HRK: variants seen among roughly 807,000 people sequenced by gnomAD.
The protein encoded by HRK is harakiri, BCL2 interacting protein.
HRK carries 6 observed loss-of-function variants against 5.9 expected under a neutral mutation model. That is an observed-to-expected ratio of 1.02 (90% CI 0.56 to 2.01). The LOEUF is 2.01. Among genes scored for constraint, HRK ranks in the 30% most tolerant of loss-of-function variants. The pLI, the probability that HRK is intolerant of heterozygous loss-of-function variation, is 0.00. For synonymous variants in HRK, 85 were observed against 65.1 expected (o/e 1.31, Z -1.47); for missense variants, 133 against 128.3 (o/e 1.04, Z -0.18).
Position 116,856,290 on chromosome 12 carries a change from CCT to C in HRK, c.*5231_*5232del, listed in dbSNP as rs1212700400. On this transcript the variant is annotated 3_prime_UTR_variant, in exon 2 of 2. Transcript: ENST00000257572. The surrounding 1 kb of genome is among the most constrained non-coding windows in gnomAD (Gnocchi z 4.4). ...GAACGGAACGTCCCCAAGCTTATTG[CCT>C]CTCTGGCTAGGCCAGAGGCCTCACT... 1.3e-5 allele frequency: 2 copies of C among 152,220 alleles called. No individual in the cohort carries two copies. The highest frequency in any genetic ancestry group is 2.9e-5 in the Non-Finnish European group (2 of 68,046). The allele number at this position is 152,220 out of a possible 1,614,324, so 9.4% of individuals were successfully genotyped here.
intron 1 of HRK, among the ~76,000 whole-genome samples, chr12:116,864,507 A>G (rs1878470052): frequency 6.6e-6 from 1 of 152,224 alleles, no homozygotes; most frequent in East Asian, 1.9e-4. Flanking sequence ...GCGCGGACCC[A>G]GGATTTGATC....
intron 1 of HRK, among the ~76,000 whole-genome samples, chr12:116,867,067 A>T (rs1034982566): frequency 6.6e-6 from 1 of 151,932 alleles, no homozygotes; most frequent in Non-Finnish European, 1.5e-5. Flanking sequence ...AAATGGGAGG[A>T]TCACTTGAGC....
chr12:116,872,055 G>A (rs1272648490), intron 1 of HRK, among the ~76,000 whole-genome samples: 1 of 152,076 alleles, frequency 6.6e-6, no homozygotes, highest in African/African-American at 2.4e-5. Context: ...GAATGTAAAT[G>A]ATGGACTAAC....
Position 116,881,349 on chromosome 12 carries a change from C to T in HRK, c.-42G>A. ...CCCGCCCCGCGCTCGGGCCGCCCCT[C>T]GCCTCCTCTCCCTCCGGCCTCTGCG... On this transcript the variant is annotated 5_prime_UTR_variant, in exon 1 of 2. Transcript: ENST00000257572. 6.6e-6 allele frequency: 7 copies of T among 1,056,296 alleles called. No homozygotes were observed. The highest frequency in any genetic ancestry group is 6.8e-6 in the Non-Finnish European group (6 of 877,270). The allele number at this position is 1,056,296 out of a possible 1,614,324, so 65.4% of individuals were successfully genotyped here. A position where few individuals can be genotyped will look rare whatever the true frequency, so the allele number is the denominator to read the frequency against.
chr12:116,871,788 G>A (rs1173285346), intron 1 of HRK, among the ~76,000 whole-genome samples: 4 of 151,438 alleles, frequency 2.6e-5, no homozygotes, highest in Non-Finnish European at 4.4e-5. Flanking sequence ...CACCATGCTT[G>A]GCTAATTTTT....
chr12:116,864,402 C>A (rs554560180), intron 1 of HRK, among the ~76,000 whole-genome samples: 2 of 152,100 alleles, frequency 1.3e-5, no homozygotes, highest in East Asian at 3.9e-4. Context: ...GAAGGATATG[C>A]CATGCCAGAG....
At chr12:116,874,910 A>G (rs963900514) in intron 1 of HRK, among the ~76,000 whole-genome samples, 2 of 152,184 alleles carry the variant, frequency 1.3e-5, no homozygotes, top group African/African-American at 4.8e-5. Flanking sequence ...TGGAGCAGAG[A>G]CAAGTCACCC....
chr12:116,874,182 G>A (rs1322895702), intron 1 of HRK, among the ~76,000 whole-genome samples: 1 of 152,234 alleles, frequency 6.6e-6, no homozygotes, highest in South Asian at 2.1e-4. Context: ...TGAGGGCTGT[G>A]GCTGGGACTC....
rs1398631942 is a variant in HRK at position 116,859,106 on chromosome 12, T to C, written c.*2417A>G. 6.6e-6 allele frequency: 1 copy of C among 152,208 alleles called. No homozygotes were observed. Among genetic ancestry groups the C allele is most frequent in the African/African-American group, 2.4e-5 (1 of 41,438 alleles). The allele number at this position is 152,208 out of a possible 1,614,324, so 9.4% of individuals were successfully genotyped here. Reference sequence around the variant, plus strand: ...GGAGAATATCTACAAGGGACTTGGCTGAGAAGCTCTATCAGGAGGTCGTGG... The same window carrying C: ...GGAGAATATCTACAAGGGACTTGGCCGAGAAGCTCTATCAGGAGGTCGTGG... On this transcript the variant is annotated 3_prime_UTR_variant, in exon 2 of 2. Transcript: ENST00000257572.
In HRK at chr12:116,858,574, T is replaced by TCACACA. The variant is rs55713149; in HGVS notation, c.*2943_*2948dup. Reference sequence around the variant, plus strand: ...CAGAGGCCTCCCTCTGCTTGTACGGTCACACACACACACACACACACACAC... The same window carrying TCACACA: ...CAGAGGCCTCCCTCTGCTTGTACGGTCACACACACACACACACACACACACACACAC... On this transcript the variant is annotated 3_prime_UTR_variant, in exon 2 of 2. Coordinates refer to ENST00000257572, the MANE Select transcript of HRK (RefSeq NM_003806.4). 213 of 121,278 alleles carry TCACACA rather than the reference T, an allele frequency of 1.8e-3. No homozygotes were observed. The highest frequency in any genetic ancestry group is 5.4e-3 in the African/African-American group (182 of 33,532). 7.5% of individuals were successfully genotyped at this position (121,278 alleles called of 1,614,324 possible).
chr12:116,875,104 T>C (rs1878883652), intron 1 of HRK, among the ~76,000 whole-genome samples: 1 of 152,192 alleles, frequency 6.6e-6, no homozygotes, highest in African/African-American at 2.4e-5. Context: ...ACAGTATAAT[T>C]AGTTACATAG....
chr12:116,857,119 T>C lies in HRK; in HGVS notation c.*4404A>G. 1 of 152,348 alleles carries C rather than the reference T, an allele frequency of 6.6e-6. No individual in the cohort carries two copies. 9.4% of individuals were successfully genotyped at this position (152,348 alleles called of 1,614,324 possible). On this transcript the variant is annotated 3_prime_UTR_variant, in exon 2 of 2. Coordinates refer to ENST00000257572, the MANE Select transcript of HRK (RefSeq NM_003806.4). ...CCAGCAAAGCTTGGGGTCACAGTGG[T>C]GACCTGACAAATCTGTTAAACATCG...
rs958204656 is a variant in HRK, at chr12:116,881,107, G to A, written c.201C>T (p.Thr67=). Residue 67 remains threonine, a synonymous_variant, in exon 1 of 2, where the codon ACC becomes ACT. Transcript: ENST00000257572. ...CGGCCGCGCACAGCCAAGGCCAGTAGGTGGGGAGCGCGCCGGGCGCCGGCG... is the reference window on the plus strand; with the variant it reads ...CGGCCGCGCACAGCCAAGGCCAGTAAGTGGGGAGCGCGCCGGGCGCCGGCG... ...RRAPAPGALP[T]YWPWLCAAAQ... 66 of 1,242,158 alleles carry A rather than the reference G, an allele frequency of 5.3e-5. No homozygotes were observed. Among genetic ancestry groups the A allele is most frequent in the Non-Finnish European group, 6.2e-5 (62 of 994,472 alleles). 76.9% of individuals were successfully genotyped at this position (1,242,158 alleles called of 1,614,324 possible). A position where few individuals can be genotyped will look rare whatever the true frequency, so the allele number is the denominator to read the frequency against.
At chr12:116,872,026 C>T (rs1189148093) in intron 1 of HRK, among the ~76,000 whole-genome samples, 1 of 151,830 alleles carries the variant, frequency 6.6e-6, no homozygotes, top group Non-Finnish European at 1.5e-5. Context: ...GCTCAAGTGA[C>T]TTCACAATGA....
intron 1 of HRK, chr12:116,869,329 G>A (rs2137248596): frequency 6.6e-6 from 1 of 152,244 alleles, no homozygotes; most frequent in South Asian, 2.1e-4. Context: ...ATCATAGGCT[G>A]TCACTCACCA....
At chr12:116,871,632 T>TTA (rs1878755735) in intron 1 of HRK, among the ~76,000 whole-genome samples, 2 of 135,074 alleles carry the variant, frequency 1.5e-5, no homozygotes, top group Admixed American at 1.4e-4. Context: ...ATTATTATTA[T>TTA]TTTTTTTTTT....
rs1299040575 is a variant in HRK at position 116,858,232 on chromosome 12, C to T, written c.*3291G>A. ...GGAACTGGGGTCTAGGACATGCGCA[C>T]GGCCTAGGACCATGGACAGCAGCCA... On this transcript the variant is annotated 3_prime_UTR_variant, in exon 2 of 2. Coordinates refer to ENST00000257572, the MANE Select transcript of HRK (RefSeq NM_003806.4). 1.3e-5 allele frequency: 2 copies of T among 151,154 alleles called. No homozygotes were observed. Among genetic ancestry groups the T allele is most frequent in the Admixed American group, 6.6e-5 (1 of 15,180 alleles). 9.4% of individuals were successfully genotyped at this position (151,154 alleles called of 1,614,324 possible).
chr12:116,874,763 C>T (rs1235182265), intron 1 of HRK, among the ~76,000 whole-genome samples: 2 of 152,198 alleles, frequency 1.3e-5, no homozygotes, highest in Admixed American at 6.5e-5. Flanking sequence ...GGCTGCCATG[C>T]TGTGAGGAAG....
At chr12:116,865,074 C>T (rs34872172) in intron 1 of HRK, among the ~76,000 whole-genome samples, 1,616 of 152,240 alleles carry the variant, frequency 0.011, 21 homozygotes, top group Non-Finnish European at 0.014. Context: ...CCACAAGGTC[C>T]TGCCTCCGTG....
Sources: gnomAD v4.1 joint callset for allele counts (sites outside exome capture counted in the v4.1 genomes callset) on GRCh38, gnomAD v4.1.1 for gene constraint, Gnocchi (gnomAD v3.1) non-coding constraint, MANE v1.5 for transcripts, NCBI Gene and HGNC (gene_info 2026-07-23, HGNC 2026-07-21) for gene names.